The following KANSL1 variants were observed in gnomAD, a reference collection of about 807,000 sequenced individuals.
KANSL1 encodes the protein KAT8 regulatory NSL complex subunit 1.
A neutral mutation model predicts 103.6 loss-of-function variants in KANSL1; 22 were observed. That is an observed-to-expected ratio of 0.21 (90% CI 0.15 to 0.30). The LOEUF (loss-of-function observed/expected upper bound fraction) is 0.30, where lower values mean the gene tolerates loss of function less well. KANSL1 is among the 10% of genes least tolerant of loss of function. The pLI is 1.00. For missense variants in KANSL1, 1,337 were observed against 1,399.8 expected, an observed-to-expected ratio of 0.96 and a Z score of 0.72; for synonymous variants, 600 against 527.6, an observed-to-expected ratio of 1.14 and a Z score of -1.88.
chr17:46,039,300 T>A, intron 8 of KANSL1, 85 bp from the exon 9 acceptor site: 3 of 1,288,240 alleles, frequency 2.3e-6, no homozygotes, highest in Non-Finnish European at 3.1e-6. Flanking sequence ...GAGTTCTCTC[T>A]AGGCCAACGC....
chr17:46,172,201 C>T lies in KANSL1; in HGVS notation c.-58G>A. ...CCGATGCCGAGGCCGAGGCCAGCTCCACGGCCCCTTACTGCCTCCCCAGAG... is the reference window on the plus strand; with the variant it reads ...CCGATGCCGAGGCCGAGGCCAGCTCTACGGCCCCTTACTGCCTCCCCAGAG... On this transcript the variant is annotated 5_prime_UTR_variant, in exon 2 of 15. Transcript: ENST00000432791. 12 of 1,516,762 alleles carry T rather than the reference C, an allele frequency of 7.9e-6. No homozygotes were observed. The highest frequency in any genetic ancestry group is 3.6e-6 in the Non-Finnish European group (4 of 1,123,908). The allele number at this position is 1,516,762 out of a possible 1,614,324, so 94.0% of individuals were successfully genotyped here.
chr17:46,033,311 A>G, intron 12 of KANSL1, 92 bp downstream of exon 12: 2 of 1,454,554 alleles, frequency 1.4e-6, no homozygotes, highest in East Asian at 2.3e-5. Flanking sequence ...CTTCACACCC[A>G]CAAGTCTTCA....
intron 2 of KANSL1, among the ~76,000 whole-genome samples, chr17:46,158,539 T>TTTTTG (rs1184523775): frequency 6.6e-6 from 1 of 152,116 alleles, no homozygotes; most frequent in African/African-American, 2.4e-5. Context: ...ATTTTTGTAT[T>TTTTTG]TTTTGTTTTG....
intron 1 of KANSL1, chr17:46,221,569 GT>G (rs2048533959): frequency 6.8e-6 from 1 of 146,946 alleles, no homozygotes; most frequent in African/African-American, 2.4e-5. Context: ...AAATTGAGGA[GT>G]TTTGGCTTGG....
At chr17:46,099,946 T>C (rs1312539902) in intron 2 of KANSL1, among the ~76,000 whole-genome samples, 7 of 152,246 alleles carry the variant, frequency 4.6e-5, no homozygotes, top group East Asian at 1.9e-4. Context: ...AATATTTGCT[T>C]TTGTGACACC....
At chr17:46,163,927 T>A (rs1413321946) in intron 2 of KANSL1, among the ~76,000 whole-genome samples, 1 of 152,272 alleles carries the variant, frequency 6.6e-6, no homozygotes, top group Non-Finnish European at 1.5e-5. Flanking sequence ...TTTCTGCCTA[T>A]ACTGACCTCT....
intron 1 of KANSL1, among the ~76,000 whole-genome samples, chr17:46,188,389 G>T (rs556873774): frequency 6.6e-6 from 1 of 152,156 alleles, no homozygotes; most frequent in Non-Finnish European, 1.5e-5. Context: ...ATGCCCAGAG[G>T]TATATACGCA....
intron 2 of KANSL1, among the ~76,000 whole-genome samples, chr17:46,128,463 A>G (rs1264236243): frequency 6.6e-6 from 1 of 152,238 alleles, no homozygotes; most frequent in Non-Finnish European, 1.5e-5. Context: ...AAGTGTGTGT[A>G]TGCATATATA....
intron 10 of KANSL1, chr17:46,035,846 TGGTTCAACG>T (rs1378340657): frequency 1.4e-5 from 2 of 147,440 alleles, no homozygotes; most frequent in Non-Finnish European, 3.1e-5. Flanking sequence ...GGTTGTGGGA[TGGTTCAACG>T]GGCTCTTATC....
At chr17:46,101,856 A>G (rs568544081) in intron 2 of KANSL1, among the ~76,000 whole-genome samples, 2 of 152,290 alleles carry the variant, frequency 1.3e-5, no homozygotes, top group African/African-American at 2.4e-5. Context: ...GAAAAACAGA[A>G]TAAGATTAAA....
Position 46,112,191 on chromosome 17 carries a change from A to C in KANSL1, c.1290-17490T>G, listed in dbSNP as rs959564085. On this transcript the variant is annotated intron_variant, in intron 2 of 14. Coordinates refer to ENST00000432791, the MANE Select transcript of KANSL1 (RefSeq NM_015443.4). The stretch of plus-strand genomic sequence containing the variant: ...AGACCAGCCTGACCAACATGGTGAA[A>C]CCCCATCTCTACTAAAAAATAAAAA... Among the ~76,000 whole-genome samples the C allele has an allele frequency of 3.6e-4, 55 of 151,782 alleles. 1 individual carries two copies.
intron 2 of KANSL1, among the ~76,000 whole-genome samples, chr17:46,160,836 C>T (rs1438048128): frequency 1.3e-5 from 2 of 152,158 alleles, no homozygotes; most frequent in Non-Finnish European, 2.9e-5. Context: ...TCTGTTTACA[C>T]TAAAAAAGCT....
intron 2 of KANSL1, among the ~76,000 whole-genome samples, chr17:46,130,855 G>A (rs1033141755): frequency 1.3e-5 from 2 of 152,136 alleles, no homozygotes; most frequent in African/African-American, 2.4e-5. Flanking sequence ...GTGGTTCACT[G>A]TACCACTTAC....
At chr17:46,132,499 A>C (rs549205252) in intron 2 of KANSL1, among the ~76,000 whole-genome samples, 19 of 152,320 alleles carry the variant, frequency 1.2e-4, no homozygotes, top group African/African-American at 4.6e-4. Context: ...AAATTGTTAG[A>C]AGCCCATACT....
rs1253031233 is a variant in KANSL1 at position 46,033,508 on chromosome 17, C to T, written c.2667-48G>A. 3 of 1,534,906 alleles carry T rather than the reference C, an allele frequency of 2.0e-6. No individual in the cohort carries two copies. In the African/African-American group the frequency reaches 4.1e-5, roughly 21 times the overall value. On this transcript the variant is annotated intron_variant, in intron 11 of 14. Transcript: ENST00000432791. ...TCATGAGATGGCAAGCAGGCTAAAA[C>T]TGGGGGCAGGGTCAAAGTGTCCATG...
chr17:46,157,254 G>T (rs1229219058), intron 2 of KANSL1, among the ~76,000 whole-genome samples: 1 of 152,154 alleles, frequency 6.6e-6, no homozygotes, highest in Non-Finnish European at 1.5e-5. Context: ...CTTATTAAAG[G>T]AACAAACATT....
In KANSL1 at chr17:46,066,485, T is replaced by C. The variant is rs2078380042; in HGVS notation, c.1848+52A>G. The C allele has an allele frequency of 2.0e-6, 3 of 1,481,224 alleles. No individual in the cohort carries two copies. In the African/African-American group the frequency reaches 4.2e-5, roughly 21 times the overall value. 91.8% of individuals were successfully genotyped at this position (1,481,224 alleles called of 1,614,324 possible). On this transcript the variant is annotated intron_variant, in intron 6 of 14. Coordinates refer to ENST00000432791, the MANE Select transcript of KANSL1 (RefSeq NM_015443.4). ...CAAAGTTGGCAAGAGACTAACTCTA[T>C]CTGAGCATCTGGCTCACTGCTTGAC...
At chr17:46,217,976 A>G (rs1434534860) in intron 1 of KANSL1, among the ~76,000 whole-genome samples, 1 of 152,188 alleles carries the variant, frequency 6.6e-6, no homozygotes, top group Non-Finnish European at 1.5e-5. Context: ...CAGTGAACCG[A>G]TATTATGCCA....
rs1277496128 is a variant in KANSL1, at chr17:46,068,419, T to C, written c.1534-752A>G. Among the ~76,000 whole-genome samples, 5 of 151,766 alleles carry C rather than the reference T, an allele frequency of 3.3e-5. 1 individual carries two copies. The South Asian group carries it at 1.0e-3, about 32-fold the overall frequency. On this transcript the variant is annotated intron_variant, in intron 4 of 14. Coordinates refer to ENST00000432791, the MANE Select transcript of KANSL1 (RefSeq NM_015443.4). ...TCTCTACAACAAAAAAATACAAAAT[T>C]AGCCGGGCATGGTGGTGCGTGCATG... is the stretch of plus-strand genomic sequence containing the variant.
Sources: allele counts gnomAD v4.1 joint callset (sites outside exome capture counted in the v4.1 genomes callset), GRCh38; gene constraint gnomAD v4.1.1; transcripts MANE v1.5; gene names NCBI Gene and HGNC (gene_info 2026-07-23, HGNC 2026-07-21).